TTLL2: variants seen among roughly 807,000 people sequenced by gnomAD.
TTLL2 encodes tubulin tyrosine ligase like 2.
In TTLL2, 10 loss-of-function variants were observed where a neutral mutation model predicts 7.5. The observed-to-expected ratio is 1.33, with a 90% CI of 0.82 to 2.25. The LOEUF (loss-of-function observed/expected upper bound fraction) is 2.25. TTLL2 is among the 30% of genes most tolerant of loss of function. The pLI is 0.00. For synonymous variants in TTLL2, 284 were observed against 280.3 expected, an observed-to-expected ratio of 1.01 and a Z score of -0.13; for missense variants, 733 against 735.7, an observed-to-expected ratio of 1.00 and a Z score of 0.04.
At chr6:167,331,184 T>C (rs1451774708) in intron 1 of TTLL2, among the ~76,000 whole-genome samples, 2 of 152,228 alleles carry the variant, frequency 1.3e-5, no homozygotes, top group Non-Finnish European at 1.5e-5. Flanking sequence ...TTGTTATGTA[T>C]AATGTATAAC....
At chr6:167,334,411 G>A (rs1778961079) in intron 1 of TTLL2, among the ~76,000 whole-genome samples, 1 of 150,694 alleles carries the variant, frequency 6.6e-6, no homozygotes, top group African/African-American at 2.5e-5. Context: ...GAAAAAAAAT[G>A]TATATTCTGT....
Position 167,341,898 on chromosome 6 carries a change from C to T in TTLL2, c.*219C>T. 5.5e-6 allele frequency: 3 copies of T among 541,246 alleles called. No homozygotes were observed. The highest frequency in any genetic ancestry group is 3.1e-5 in the East Asian group (1 of 31,758). 33.5% of individuals were successfully genotyped at this position (541,246 alleles called of 1,614,324 possible). On this transcript the variant is annotated 3_prime_UTR_variant, in exon 3 of 3. Transcript: ENST00000239587. ...CTACATTACATCCCATGTTTATTTGCTCAGGTGTCTTGAAAGAATTCTACA... is the reference window on the plus strand; with the variant it reads ...CTACATTACATCCCATGTTTATTTGTTCAGGTGTCTTGAAAGAATTCTACA...
At position 167,342,309 on chromosome 6, in the gene TTLL2, G is replaced by T. The variant is rs1779107938; in HGVS notation, c.*630G>T. Among the ~76,000 whole-genome samples the T allele has an allele frequency of 6.6e-6, 1 of 152,204 alleles. No homozygotes were observed. The highest frequency in any genetic ancestry group is 2.1e-4 in the South Asian group (1 of 4,824). On this transcript the variant is annotated 3_prime_UTR_variant, in exon 3 of 3. Transcript: ENST00000239587. ...TTTGTTTACCATCACAGCATGTGAG[G>T]TCATGGCCTCCCAGATCAAAGTATG...
At position 167,338,835 on chromosome 6, in the gene TTLL2, C is replaced by T. The variant is rs149183760; in HGVS notation, c.204+32C>T. ...GGGCAAGCCAGGTAGTTCCTTCCTT[C>T]CTTCCTTCCTTCCTTCCTTCCTTCC... On this transcript the variant is annotated intron_variant, in intron 2 of 2. Transcript: ENST00000239587. 8.7e-5 allele frequency: 118 copies of T among 1,356,954 alleles called. 2 individuals carry two copies. The African/African-American group carries it at 1.7e-3, about 20-fold the overall frequency. 84.1% of individuals were successfully genotyped at this position (1,356,954 alleles called of 1,614,324 possible). A position where few individuals can be genotyped will look rare whatever the true frequency, so the allele number is the denominator to read the frequency against.
chr6:167,339,857 A>C (rs1779045929), intron 2 of TTLL2, among the ~76,000 whole-genome samples: 1 of 152,340 alleles, frequency 6.6e-6, no homozygotes, highest in South Asian at 2.1e-4. Flanking sequence ...TGTTACTAAC[A>C]GAATGCAATA....
chr6:167,325,196 C>T lies in TTLL2; in HGVS notation c.23C>T (p.Ser8Phe), dbSNP rs1322332350. ...CCAATGAGAGGGCGGGACCTGTGTTCCTCCACACAAAGCCAGGCGCTGGGG... is the reference window on the plus strand; with the variant it reads ...CCAATGAGAGGGCGGGACCTGTGTTTCTCCACACAAAGCCAGGCGCTGGGG... MRGRDLC[S>F]STQSQALGSL... Residue 8 changes from serine (S) to phenylalanine (F), a missense_variant, in exon 1 of 3, where the codon TCC (serine) becomes TTC (phenylalanine). Physicochemically the swap from Ser to Phe is radical, Grantham distance 155 (BLOSUM62 -2). Transcript: ENST00000239587. 3 of 1,578,238 alleles carry T rather than the reference C, an allele frequency of 1.9e-6. No homozygotes were observed. Among genetic ancestry groups the T allele is most frequent in the Admixed American group, 1.8e-5 (1 of 55,352 alleles).
chr6:167,338,209 A>G (rs1779016154), intron 1 of TTLL2, among the ~76,000 whole-genome samples: 2 of 152,078 alleles, frequency 1.3e-5, no homozygotes, highest in South Asian at 4.1e-4. Context: ...CATGCAACAC[A>G]CAACACACAC....
chr6:167,332,634 T>C (rs1386345037), intron 1 of TTLL2, among the ~76,000 whole-genome samples: 1 of 135,222 alleles, frequency 7.4e-6, no homozygotes, highest in African/African-American at 2.9e-5. Context: ...TGGTTTGTAG[T>C]TCTCCTTGAA....
At chr6:167,338,455 T>TCA (rs3841397) in intron 1 of TTLL2, among the ~76,000 whole-genome samples, 192 bp from the exon 2 acceptor site, 36,944 of 150,192 alleles carry the variant, frequency 0.25, 4,513 homozygotes, top group South Asian at 0.32. Flanking sequence ...CACAACATAG[T>TCA]CACACACACA....
At chr6:167,326,101 G>A (rs73266925) in intron 1 of TTLL2, among the ~76,000 whole-genome samples, 1 of 151,980 alleles carries the variant, frequency 6.6e-6, no homozygotes, top group South Asian at 2.1e-4. Context: ...TAGTGATGGC[G>A]TTTGCGTTTC....
Position 167,340,880 on chromosome 6 carries a change from T to C in TTLL2, c.980T>C (p.Phe327Ser), listed in dbSNP as rs747058851. 6.2e-7 allele frequency: 1 copy of C among 1,614,136 alleles called. No homozygotes were observed. Among genetic ancestry groups the C allele is most frequent in the South Asian group, 1.1e-5 (1 of 91,076 alleles). Residue 327 changes from phenylalanine to serine, a missense_variant, in exon 3 of 3, where the codon TTT becomes TCT. Transcript: ENST00000239587. ...GHGCKWTLSRFFSYLRSWDVD... is the reference protein window; with the variant it reads ...GHGCKWTLSRSFSYLRSWDVD... ...GGTTGTAAATGGACGCTCAGCAGAT[T>C]TTTTTCCTACCTTCGTAGCTGGGAT... is the stretch of plus-strand genomic sequence containing the variant.
rs6455546 is a variant in TTLL2, at chr6:167,328,719, A to G, written c.47+3499A>G. ...GCGTTTCACAGTAATGGAGTCTGAC[A>G]TACACAAATGGGACATCCACCTCCA... is the stretch of plus-strand genomic sequence containing the variant. On this transcript the variant is annotated intron_variant, in intron 1 of 2. Coordinates refer to ENST00000239587, the MANE Select transcript of TTLL2 (RefSeq NM_031949.5). Among the ~76,000 whole-genome samples the G allele has an allele frequency of 6.8e-3, 1,028 of 152,284 alleles. 16 individuals are homozygous for G. The highest frequency in any genetic ancestry group is 0.023 in the African/African-American group (968 of 41,540).
chr6:167,326,902 T>C (rs1186843151), intron 1 of TTLL2, among the ~76,000 whole-genome samples: 1 of 152,122 alleles, frequency 6.6e-6, no homozygotes, highest in Non-Finnish European at 1.5e-5. Context: ...TTAAGAAGTT[T>C]ATGTGCCAAG....
rs1779104380 is a variant in TTLL2 at position 167,341,961 on chromosome 6, A to G, written c.*282A>G. The G allele has an allele frequency of 2.6e-6, 1 of 379,194 alleles. No individual in the cohort carries two copies. Among genetic ancestry groups the G allele is most frequent in the South Asian group, 4.8e-5 (1 of 21,020 alleles). 23.5% of individuals were successfully genotyped at this position (379,194 alleles called of 1,614,324 possible). ...CCTCCCACCAGTAATTGAATGTGCT[A>G]CACTACGATTATGCTATGTATGTAT... On this transcript the variant is annotated 3_prime_UTR_variant, in exon 3 of 3. Coordinates refer to ENST00000239587, the MANE Select transcript of TTLL2 (RefSeq NM_031949.5).
At chr6:167,338,832 C>G in intron 2 of TTLL2, 29 bp downstream of exon 2, 1 of 1,350,368 alleles carries the variant, frequency 7.4e-7, no homozygotes, top group East Asian at 2.7e-5. Flanking sequence ...TAGTTCCTTC[C>G]TTCCTTCCTT....
At position 167,342,504 on chromosome 6, in the gene TTLL2, G is replaced by A. The variant is rs1181527344; in HGVS notation, c.*825G>A. ...TGGCAAATCCATCAAAAGCAGATTG[G>A]TGGCTTAGGGGAGGGGTAATGAGGA... On this transcript the variant is annotated 3_prime_UTR_variant, in exon 3 of 3. Coordinates refer to ENST00000239587, the MANE Select transcript of TTLL2 (RefSeq NM_031949.5). 1.3e-5 allele frequency among the ~76,000 whole-genome samples: 2 copies of A among 152,222 alleles called. No homozygotes were observed. The highest frequency in any genetic ancestry group is 4.8e-5 in the African/African-American group (2 of 41,440).
intron 1 of TTLL2, among the ~76,000 whole-genome samples, chr6:167,329,937 T>C (rs1303494531): frequency 6.6e-6 from 1 of 152,210 alleles, no homozygotes; most frequent in Non-Finnish European, 1.5e-5. Flanking sequence ...TTTCCATGTA[T>C]ATGTATAAAT....
chr6:167,341,684 T>TAA lies in TTLL2; in HGVS notation c.*10_*11dup, dbSNP rs1175694975. On this transcript the variant is annotated 3_prime_UTR_variant, in exon 3 of 3. Coordinates refer to ENST00000239587, the MANE Select transcript of TTLL2 (RefSeq NM_031949.5). ...ATGAATAAGCAACATTCCTAAGTGG[T>TAA]AAAAAATCAAATCAAGAAAAAGTGA... The TAA allele has an allele frequency of 6.3e-7, 1 of 1,580,192 alleles. No individual in the cohort carries two copies. The highest frequency in any genetic ancestry group is 1.4e-5 in the African/African-American group (1 of 72,824).
Position 167,341,324 on chromosome 6 carries a change from C to T in TTLL2, c.1424C>T (p.Ala475Val). 1.2e-6 allele frequency: 2 copies of T among 1,613,804 alleles called. No homozygotes were observed. Among genetic ancestry groups the T allele is most frequent in the South Asian group, 2.2e-5 (2 of 91,050 alleles). Residue 475 changes from alanine (A) to valine (V), a missense_variant, in exon 3 of 3, where the codon GCT becomes GTT. Ala to Val is a moderately conservative substitution (Grantham distance 64). Transcript: ENST00000239587. Reference sequence around the variant, plus strand: ...GAGGATGACTCTGTGGTGGAGAAAGCTGTGAGTGTGCGTCCTGAAGCTGCA... The same window carrying T: ...GAGGATGACTCTGTGGTGGAGAAAGTTGTGAGTGTGCGTCCTGAAGCTGCA... Reference protein sequence around the residue: ...YNEDDSVVEKAVSVRPEAAPA... With the variant: ...YNEDDSVVEKVVSVRPEAAPA...
Sources: gnomAD v4.1 joint callset for allele counts (sites outside exome capture counted in the v4.1 genomes callset) on GRCh38, gnomAD v4.1.1 for gene constraint, MANE v1.5 for transcripts, NCBI Gene and HGNC (gene_info 2026-07-23, HGNC 2026-07-21) for gene names.